The following GPHN variants were observed in gnomAD, a reference collection of about 807,000 sequenced individuals.
GPHN encodes the protein gephyrin.
In GPHN, 17 loss-of-function variants were observed where a neutral mutation model predicts 95.5. The ratio of observed to expected loss-of-function variants is 0.18; its 90% CI spans 0.12 to 0.27. The LOEUF (loss-of-function observed/expected upper bound fraction) is 0.27, where lower values mean the gene tolerates loss of function less well. Ranked by LOEUF, GPHN falls within the 10% of genes least tolerant of loss-of-function variation. GPHN has a pLI of 1.00. For missense variants in GPHN, 660 were observed against 978.1 expected (o/e 0.67, Z 4.34); for synonymous variants, 320 against 322.5 (o/e 0.99, Z 0.08).
chr14:66,662,335 C>A (rs539166044), intron 1 of GPHN, among the ~76,000 whole-genome samples: 1 of 152,260 alleles, frequency 6.6e-6, no homozygotes. Flanking sequence ...GCCATCTTTG[C>A]AGTTTTGCAG....
chr14:66,946,357 G>T (rs1596469024), intron 8 of GPHN, among the ~76,000 whole-genome samples: 2 of 152,094 alleles, frequency 1.3e-5, no homozygotes, highest in Admixed American at 6.5e-5. Flanking sequence ...CACCAAACCA[G>T]CCAAGAAAGC....
chr14:67,278,965 CT>C, the GPHN span: 1 of 448,632 alleles, frequency 2.2e-6, no homozygotes, highest in Non-Finnish European at 3.8e-6. Flanking sequence ...CTGTAAAAAC[CT>C]GCTTTTATAT....
At chr14:67,538,056 G>A in the GPHN span, among the ~76,000 whole-genome samples, 1 of 152,100 alleles carries the variant, frequency 6.6e-6, no homozygotes, top group Non-Finnish European at 1.5e-5. Context: ...GGGGACAGAG[G>A]GACTTATTGT....
At chr14:66,865,706 A>T (rs2063198187) in intron 4 of GPHN, among the ~76,000 whole-genome samples, 1 of 152,070 alleles carries the variant, frequency 6.6e-6, no homozygotes, top group East Asian at 1.9e-4. Context: ...TGGATACTTA[A>T]TTTTTATTCT....
intron 1 of GPHN, among the ~76,000 whole-genome samples, chr14:66,671,305 G>A (rs1218197415): frequency 6.6e-6 from 1 of 152,180 alleles, no homozygotes; most frequent in Admixed American, 6.5e-5. Context: ...AAAGTTCTCA[G>A]TTGTAGAGTT....
the GPHN span, chr14:67,573,925 G>T: frequency 6.8e-7 from 1 of 1,470,586 alleles, no homozygotes; most frequent in Non-Finnish European, 9.5e-7. The surrounding 1 kb of genome is among the most constrained non-coding windows in gnomAD (Gnocchi z 4.8). Context: ...TTAAACAGAA[G>T]AGGTGCTGGG....
intron 13 of GPHN, among the ~76,000 whole-genome samples, chr14:67,106,268 G>A (rs1278245115): frequency 1.3e-5 from 2 of 152,126 alleles, no homozygotes; most frequent in Non-Finnish European, 2.9e-5. Context: ...TCTACTGTTA[G>A]TCTAATGTGG....
chr14:66,866,952 C>T (rs1444056171), intron 4 of GPHN, among the ~76,000 whole-genome samples: 1 of 152,008 alleles, frequency 6.6e-6, no homozygotes, highest in East Asian at 1.9e-4. Context: ...AAACAAAATG[C>T]CTGCAGTATG....
At chr14:66,935,449 G>T (rs1453492869) in intron 8 of GPHN, among the ~76,000 whole-genome samples, 1 of 150,084 alleles carries the variant, frequency 6.7e-6, no homozygotes, top group Admixed American at 6.7e-5. Flanking sequence ...ATATATATAT[G>T]TGTGTGTGTG....
At chr14:67,284,741 A>G in the GPHN span, among the ~76,000 whole-genome samples, 1 of 151,938 alleles carries the variant, frequency 6.6e-6, no homozygotes, top group South Asian at 2.1e-4. Flanking sequence ...GAAATTACAT[A>G]ACATAGGCTC....
At chr14:66,814,647 G>GA (rs919420285) in intron 3 of GPHN, among the ~76,000 whole-genome samples, 2 of 151,804 alleles carry the variant, frequency 1.3e-5, no homozygotes, top group African/African-American at 2.4e-5. Flanking sequence ...TAGGATAAAA[G>GA]AAAAAAAATC....
intron 17 of GPHN, among the ~76,000 whole-genome samples, chr14:67,128,361 AT>A (rs2079469420): frequency 1.3e-5 from 2 of 151,538 alleles, no homozygotes; most frequent in Non-Finnish European, 2.9e-5. Context: ...GGTTCAAGTG[AT>A]TCTCCTGTCT....
the GPHN span, among the ~76,000 whole-genome samples, chr14:67,634,852 A>G: frequency 6.6e-6 from 1 of 152,194 alleles, no homozygotes; most frequent in South Asian, 2.1e-4. Context: ...CCTCTCTATT[A>G]ATGACCAAAC....
At chr14:67,617,806 C>T in the GPHN span, among the ~76,000 whole-genome samples, 5 of 152,084 alleles carry the variant, frequency 3.3e-5, no homozygotes, top group East Asian at 1.9e-4. Context: ...CCGCAATCTC[C>T]GCCTCCCAGG....
At chr14:67,364,946 A>G in the GPHN span, 3 of 1,614,098 alleles carry the variant, frequency 1.9e-6, no homozygotes, top group Non-Finnish European at 2.5e-6. Flanking sequence ...CGTTCTATCA[A>G]CAAACTCATC....
At chr14:66,553,002 T>A (rs1017810731) in intron 1 of GPHN, among the ~76,000 whole-genome samples, 9 of 151,858 alleles carry the variant, frequency 5.9e-5, no homozygotes, top group African/African-American at 2.2e-4. Context: ...TCTTTTTTCT[T>A]TTTTTAGACA....
chr14:66,797,311 T>C (rs2060194515), intron 3 of GPHN, among the ~76,000 whole-genome samples: 1 of 151,804 alleles, frequency 6.6e-6, no homozygotes, highest in Non-Finnish European at 1.5e-5. Context: ...CTGTGGCTAT[T>C]CTGGGTTTTC....
intron 1 of GPHN, among the ~76,000 whole-genome samples, chr14:66,594,817 T>C (rs1454161304): frequency 6.6e-6 from 1 of 151,972 alleles, no homozygotes; most frequent in South Asian, 2.1e-4. Flanking sequence ...AATAGACAAA[T>C]AGGATGACAT....
chr14:66,831,189 A>G lies in GPHN; in HGVS notation c.294+6623A>G, dbSNP rs796457275. 4.6e-5 allele frequency among the ~76,000 whole-genome samples: 7 copies of G among 152,244 alleles called. 1 individual carries two copies. The highest frequency in any genetic ancestry group is 1.7e-4 in the African/African-American group (7 of 41,570). On this transcript the variant is annotated intron_variant, in intron 4 of 22. Transcript: ENST00000478722. ...TCACAATCAGAAAACACTCTCCTAC[A>G]TTTTAACAGAAGCATAGCAAAAAAT...
Sources: allele counts gnomAD v4.1 joint callset (sites outside exome capture counted in the v4.1 genomes callset), GRCh38; gene constraint gnomAD v4.1.1; non-coding constraint Gnocchi (gnomAD v3.1); transcripts MANE v1.5; gene names NCBI Gene and HGNC (gene_info 2026-07-23, HGNC 2026-07-21).